The following TTBK1 variants were observed in gnomAD, a reference collection of about 807,000 sequenced individuals.
TTBK1 encodes tau-tubulin kinase 1.
In TTBK1, 34 loss-of-function variants were observed where a neutral mutation model predicts 108.5. The ratio of observed to expected loss-of-function variants is 0.31; its 90% confidence interval spans 0.24 to 0.42. TTBK1 has a LOEUF of 0.42. Among genes scored for constraint, TTBK1 ranks in the 10% least tolerant of loss-of-function variants. TTBK1 has a pLI of 1.00. For missense variants in TTBK1, 1,539 were observed against 1,826.0 expected, an observed-to-expected ratio of 0.84 and a Z score of 2.86; for synonymous variants, 809 against 795.1, an observed-to-expected ratio of 1.02 and a Z score of -0.29.
rs1777988108 is a variant in TTBK1 at position 43,276,112 on chromosome 6, C to T, written c.1987-6615C>T. 6.6e-6 allele frequency among the ~76,000 whole-genome samples: 1 copy of T among 152,142 alleles called. No homozygotes were observed. ...TTAGCGAGAGGACCCTCGCGGAGGT[C>T]CTGAGTCCCAGTCGGTTTATTCCTG... On this transcript the variant is annotated intron_variant, in intron 13 of 14. Coordinates refer to ENST00000259750, the MANE Select transcript of TTBK1 (RefSeq NM_032538.3). The surrounding 1 kb of genome is among the most constrained non-coding windows in gnomAD (Gnocchi z 5.4).
At chr6:43,252,663 T>C in intron 2 of TTBK1, 76 bp from the exon 3 acceptor site, 1 of 1,534,878 alleles carries the variant, frequency 6.5e-7, no homozygotes, top group Non-Finnish European at 8.8e-7. Context: ...CAATGAAGGA[T>C]GCAACCAAGC....
At position 43,257,077 on chromosome 6, in the gene TTBK1, C is replaced by T. The variant is rs1777402177; in HGVS notation, c.862-735C>T. The stretch of plus-strand genomic sequence containing the variant: ...GACAGCCTGAGGCACACAGGATGCA[C>T]TCAATTAAGCCGGTCCTCTCAGCAG... On this transcript the variant is annotated intron_variant, in intron 9 of 14. Transcript: ENST00000259750. This position sits in a 1 kb window ranked among gnomAD's most constrained non-coding sequence, Gnocchi z 4.5. 6.6e-6 allele frequency among the ~76,000 whole-genome samples: 1 copy of T among 152,224 alleles called. No individual in the cohort carries two copies. The highest frequency in any genetic ancestry group is 1.5e-5 in the Non-Finnish European group (1 of 68,044).
At chr6:43,270,576 CATT>C in intron 13 of TTBK1, 1 of 985,638 alleles carries the variant, frequency 1.0e-6, no homozygotes, top group Non-Finnish European at 1.2e-6. Context: ...AGGCCATCAT[CATT>C]GAGGACAGAG....
intron 12 of TTBK1, among the ~76,000 whole-genome samples, chr6:43,261,551 G>A (rs998653555): frequency 4.0e-5 from 6 of 151,498 alleles, no homozygotes; most frequent in African/African-American, 7.3e-5. Flanking sequence ...ACAGTGGCTC[G>A]CGTCTGTAAT....
chr6:43,274,861 G>C (rs1345057346), intron 13 of TTBK1, among the ~76,000 whole-genome samples: 2 of 152,050 alleles, frequency 1.3e-5, no homozygotes, highest in Admixed American at 1.3e-4. Context: ...CTGAGTGCCC[G>C]CTTCCTCCAA....
chr6:43,275,306 G>A (rs1777943461), intron 13 of TTBK1, among the ~76,000 whole-genome samples: 1 of 151,724 alleles, frequency 6.6e-6, no homozygotes, highest in African/African-American at 2.4e-5. Flanking sequence ...CGGCCCCGCC[G>A]CGCTCCCGCC....
chr6:43,262,765 G>T, intron 12 of TTBK1, 24 bp from the exon 13 acceptor site: 2 of 1,517,104 alleles, frequency 1.3e-6, no homozygotes, highest in South Asian at 2.6e-5. Context: ...CAGGTATTGA[G>T]CCCCGTGAGG....
At position 43,255,244 on chromosome 6, in the gene TTBK1, G is replaced by A. The variant is rs896776533; in HGVS notation, c.642+130G>A. ...TGCAATCTGCCACCCCAGAGACCCTGGGCTGGAGGAAGGCCCCTCTGTGGC... is the reference window on the plus strand; with the variant it reads ...TGCAATCTGCCACCCCAGAGACCCTAGGCTGGAGGAAGGCCCCTCTGTGGC... On this transcript the variant is annotated intron_variant, in intron 7 of 14. Transcript: ENST00000259750. 42 of 872,764 alleles carry A rather than the reference G, an allele frequency of 4.8e-5. No individual in the cohort carries two copies. In the Admixed American group the frequency reaches 8.0e-4, roughly 17 times the overall value. 54.1% of individuals were successfully genotyped at this position (872,764 alleles called of 1,614,324 possible). A position where few individuals can be genotyped will look rare whatever the true frequency, so the allele number is the denominator to read the frequency against.
intron 12 of TTBK1, among the ~76,000 whole-genome samples, chr6:43,260,550 GTTGGC>G (rs1328099005): frequency 1.3e-5 from 2 of 152,192 alleles, no homozygotes; most frequent in Non-Finnish European, 2.9e-5. Context: ...ACTCACACAG[GTTGGC>G]TTACGTAGGA....
rs1478052241 is a variant in TTBK1, at chr6:43,263,644, G to A, written c.1986+294G>A. ...ACGGGCACAGTGTTTTGCACAGGCC[G>A]GGAGGGGGCGATCTGAGAACACTGA... On this transcript the variant is annotated intron_variant, in intron 13 of 14. Transcript: ENST00000259750. This position sits in a 1 kb window ranked among gnomAD's most constrained non-coding sequence, Gnocchi z 4.7. Among the ~76,000 whole-genome samples, 2 of 152,210 alleles carry A rather than the reference G, an allele frequency of 1.3e-5. No homozygotes were observed. Among genetic ancestry groups the A allele is most frequent in the African/African-American group, 4.8e-5 (2 of 41,474 alleles).
At chr6:43,261,082 C>T (rs1440358861) in intron 12 of TTBK1, among the ~76,000 whole-genome samples, 1 of 152,176 alleles carries the variant, frequency 6.6e-6, no homozygotes, top group Non-Finnish European at 1.5e-5. Context: ...AAATATAAGA[C>T]CCTAGGTGGC....
In TTBK1 at chr6:43,269,059, A is replaced by T. The variant is rs574544162; in HGVS notation, c.1986+5709A>T. Among the ~76,000 whole-genome samples, 1 of 152,306 alleles carries T rather than the reference A, an allele frequency of 6.6e-6. No individual in the cohort carries two copies. Among genetic ancestry groups the T allele is most frequent in the South Asian group, 2.1e-4 (1 of 4,824 alleles). On this transcript the variant is annotated intron_variant, in intron 13 of 14. Coordinates refer to ENST00000259750, the MANE Select transcript of TTBK1 (RefSeq NM_032538.3). The surrounding 1 kb of genome is among the most constrained non-coding windows in gnomAD (Gnocchi z 4.8). Reference sequence around the variant, plus strand: ...CAGTAACTTGCTCAAGGTCACTCAGATTTTAAGTGGTGGAGTTGGGATTCA... The same window carrying T: ...CAGTAACTTGCTCAAGGTCACTCAGTTTTTAAGTGGTGGAGTTGGGATTCA...
rs1342538711 is a variant in TTBK1, at chr6:43,285,069, G to A, written c.3659G>A (p.Arg1220Gln). ...CCTGGCCGCGGCCTGGGCCCAGGGC[G>A]AGCCCAAGCCGGAGCCAGGCCCCCA... ...QPPGRGLGPGRAQAGARPPAP... is the reference protein window; with the variant it reads ...QPPGRGLGPGQAQAGARPPAP... Residue 1220 changes from arginine to glutamine, a missense_variant, in exon 15 of 15, where the codon CGA becomes CAA. Coordinates refer to ENST00000259750, the MANE Select transcript of TTBK1 (RefSeq NM_032538.3). The surrounding 1 kb of genome is among the most constrained non-coding windows in gnomAD (Gnocchi z 4.7). 28 of 1,499,178 alleles carry A rather than the reference G, an allele frequency of 1.9e-5. No individual in the cohort carries two copies. The highest frequency in any genetic ancestry group is 1.5e-4 in the Admixed American group (7 of 45,378). The allele number at this position is 1,499,178 out of a possible 1,614,324, so 92.9% of individuals were successfully genotyped here.
chr6:43,267,042 TGTGTGTGTG>T, intron 13 of TTBK1, among the ~76,000 whole-genome samples: 1 of 147,646 alleles, frequency 6.8e-6, no homozygotes, highest in African/African-American at 2.5e-5. Context: ...TGTGTGTGTG[TGTGTGTGTG>T]TTCTGTGCAT....
chr6:43,259,930 T>C lies in TTBK1; in HGVS notation c.1424+224T>C, dbSNP rs192150363. On this transcript the variant is annotated intron_variant, in intron 12 of 14. Transcript: ENST00000259750. This position sits in a 1 kb window ranked among gnomAD's most constrained non-coding sequence, Gnocchi z 6.7. Reference sequence around the variant, plus strand: ...TCCCGGCTCATGCCAGGAAACGTAATTGGGTGAGTGCAGGCTGCAGGAGGG... The same window carrying C: ...TCCCGGCTCATGCCAGGAAACGTAACTGGGTGAGTGCAGGCTGCAGGAGGG... Among the ~76,000 whole-genome samples, 442 of 151,950 alleles carry C rather than the reference T, an allele frequency of 2.9e-3. No individual in the cohort carries two copies. Among genetic ancestry groups the C allele is most frequent in the African/African-American group, 9.8e-3 (407 of 41,408 alleles).
chr6:43,260,239 G>T (rs1418366634), intron 12 of TTBK1, among the ~76,000 whole-genome samples: 5 of 152,224 alleles, frequency 3.3e-5, no homozygotes, highest in Non-Finnish European at 7.3e-5. Context: ...CCTTTAGGAG[G>T]TGAAGATGGG....
rs539997079 is a variant in TTBK1 at position 43,272,734 on chromosome 6, C to G, written c.1986+9384C>G. The G allele has an allele frequency of 1.1e-4, 109 of 960,132 alleles. 3 individuals are homozygous for G. In the South Asian group the frequency reaches 4.8e-3, roughly 42 times the overall value. The allele number at this position is 960,132 out of a possible 1,614,324, so 59.5% of individuals were successfully genotyped here. A position where few individuals can be genotyped will look rare whatever the true frequency, so the allele number is the denominator to read the frequency against. ...TAAGTTCATGTGAAGCTCGGCAGAG[C>G]TTCACATGGTTTGGGTCGAGTTGCT... On this transcript the variant is annotated intron_variant, in intron 13 of 14. Transcript: ENST00000259750.
chr6:43,253,530 T>G lies in TTBK1; in HGVS notation c.331-38T>G. 2.5e-6 allele frequency: 4 copies of G among 1,589,000 alleles called. No individual in the cohort carries two copies. The highest frequency in any genetic ancestry group is 1.1e-5 in the South Asian group (1 of 87,950). On this transcript the variant is annotated intron_variant, in intron 4 of 14. Coordinates refer to ENST00000259750, the MANE Select transcript of TTBK1 (RefSeq NM_032538.3). This position sits in a 1 kb window ranked among gnomAD's most constrained non-coding sequence, Gnocchi z 5.8. Reference sequence around the variant, plus strand: ...CAATGATGGTGTCTGGGATGATGGCTGAGGGTGAGTCTACCCCCCACCTCC... The same window carrying G: ...CAATGATGGTGTCTGGGATGATGGCGGAGGGTGAGTCTACCCCCCACCTCC...
chr6:43,258,767 G>A (rs1777443751), intron 10 of TTBK1, among the ~76,000 whole-genome samples: 1 of 152,310 alleles, frequency 6.6e-6, no homozygotes, highest in South Asian at 2.1e-4. Flanking sequence ...TGGAAATCTG[G>A]CAGGTCCTTG....
Sources: gnomAD v4.1 joint callset for allele counts (sites outside exome capture counted in the v4.1 genomes callset) on GRCh38, gnomAD v4.1.1 for gene constraint, Gnocchi (gnomAD v3.1) non-coding constraint, MANE v1.5 for transcripts, NCBI Gene and HGNC (gene_info 2026-07-23, HGNC 2026-07-21) for gene names.